The following FAM3C variants were observed in gnomAD, a reference collection of about 807,000 sequenced individuals.
The protein encoded by FAM3C is FAM3 metabolism regulating signaling molecule C, also known as protein FAM3C.
A neutral mutation model predicts 32.5 loss-of-function variants in FAM3C; 15 were observed. That is an observed-to-expected ratio of 0.46 (90% confidence interval 0.31 to 0.71). FAM3C has a LOEUF of 0.71. Among genes scored for constraint, FAM3C ranks in the 30% least tolerant of loss-of-function variants. The probability of loss-of-function intolerance (pLI) is 0.05; values close to 1 mark genes in which losing one functional copy is unlikely to be tolerated. For synonymous variants in FAM3C, 75 were observed against 86.1 expected (o/e 0.87, Z 0.72); for missense variants, 175 against 274.4 (o/e 0.64, Z 2.56).
intron 1 of FAM3C, among the ~76,000 whole-genome samples, chr7:121,388,979 G>A (rs746066101): frequency 6.6e-6 from 1 of 152,072 alleles, no homozygotes; most frequent in Non-Finnish European, 1.5e-5. Context: ...AAACACTTCG[G>A]AAAACTTCTA....
intron 1 of FAM3C, among the ~76,000 whole-genome samples, chr7:121,384,820 TAAG>T (rs1321631616): frequency 2.6e-5 from 4 of 152,188 alleles, no homozygotes; most frequent in Non-Finnish European, 4.4e-5. Context: ...TTAATTTCCT[TAAG>T]AAGCAAATTA....
chr7:121,381,110 C>T (rs1327362775), intron 2 of FAM3C, among the ~76,000 whole-genome samples: 1 of 152,090 alleles, frequency 6.6e-6, no homozygotes, highest in Non-Finnish European at 1.5e-5. Context: ...GACCAGCATC[C>T]CATTCTGGAC....
chr7:121,392,545 C>T (rs117251734), intron 1 of FAM3C, among the ~76,000 whole-genome samples: 1 of 152,222 alleles, frequency 6.6e-6, no homozygotes, highest in East Asian at 1.9e-4. Flanking sequence ...TGAGTGGGGA[C>T]GCAGAACCAA....
chr7:121,362,744 T>TA, intron 7 of FAM3C, 153 bp downstream of exon 7: 1 of 608,518 alleles, frequency 1.6e-6, no homozygotes, highest in Non-Finnish European at 2.9e-6. Flanking sequence ...AATGATAACT[T>TA]AAATACAGCT....
intron 8 of FAM3C, among the ~76,000 whole-genome samples, chr7:121,357,448 C>T (rs1222940804): frequency 6.6e-6 from 1 of 152,040 alleles, no homozygotes; most frequent in Non-Finnish European, 1.5e-5. Flanking sequence ...GGGTATATAA[C>T]ACAACTGGTA....
intron 1 of FAM3C, among the ~76,000 whole-genome samples, chr7:121,387,422 TTAGAAGTACTACTA>T (rs1485403228): frequency 6.6e-6 from 1 of 152,172 alleles, no homozygotes; most frequent in East Asian, 1.9e-4. Flanking sequence ...ACAGGTCCTC[TTAGAAGTACTACTA>T]CAGATGTAGG....
At chr7:121,369,531 C>T (rs1188317046) in intron 5 of FAM3C, among the ~76,000 whole-genome samples, 1 of 152,194 alleles carries the variant, frequency 6.6e-6, no homozygotes, top group African/African-American at 2.4e-5. Context: ...TGGCCTGCCT[C>T]ATTTAATGGT....
At chr7:121,355,773 C>T (rs556563979) in intron 8 of FAM3C, among the ~76,000 whole-genome samples, 1 of 152,210 alleles carries the variant, frequency 6.6e-6, no homozygotes, top group South Asian at 2.1e-4. Flanking sequence ...AGATGCATCC[C>T]TTGGAGGAAG....
At chr7:121,381,139 C>T (rs1794343418) in intron 2 of FAM3C, among the ~76,000 whole-genome samples, 1 of 152,114 alleles carries the variant, frequency 6.6e-6, no homozygotes, top group Non-Finnish European at 1.5e-5. Flanking sequence ...GCCTAACATA[C>T]CAACCACAAT....
intron 8 of FAM3C, among the ~76,000 whole-genome samples, chr7:121,355,353 G>A (rs1356584416): frequency 2.0e-5 from 3 of 152,138 alleles, no homozygotes; most frequent in Non-Finnish European, 4.4e-5. Flanking sequence ...TGGAAAATGG[G>A]AGATGCTAAG....
rs10676450 is a variant in FAM3C, at chr7:121,388,235, A to AACACACACACACAC, written c.-41-5239_-41-5226dup. On this transcript the variant is annotated intron_variant, in intron 1 of 9. Coordinates refer to ENST00000359943, the MANE Select transcript of FAM3C (RefSeq NM_014888.3). Reference sequence around the variant, plus strand: ...CTCTTTTAAAAGAAACCACCATTTTAACACACACACACACACACACACACA... The same window carrying AACACACACACACAC: ...CTCTTTTAAAAGAAACCACCATTTTAACACACACACACACACACACACACACACACACACACACA... 1.1e-3 allele frequency among the ~76,000 whole-genome samples: 169 copies of AACACACACACACAC among 147,920 alleles called. 1 individual carries two copies. Among genetic ancestry groups the AACACACACACACAC allele is most frequent in the Middle Eastern group, 6.8e-3 (2 of 292 alleles).
chr7:121,365,470 C>T (rs1175627618), intron 5 of FAM3C, among the ~76,000 whole-genome samples: 1 of 152,028 alleles, frequency 6.6e-6, no homozygotes, highest in Non-Finnish European at 1.5e-5. Context: ...TCCCTCACCT[C>T]AAGTCTAGAA....
chr7:121,350,836 C>A (rs78780413), intron 9 of FAM3C, among the ~76,000 whole-genome samples: 1 of 152,156 alleles, frequency 6.6e-6, no homozygotes, highest in East Asian at 1.9e-4. Context: ...CCAAACTTCA[C>A]TGATTCTAAA....
intron 3 of FAM3C, among the ~76,000 whole-genome samples, chr7:121,376,297 A>G (rs1034015857): frequency 6.6e-6 from 1 of 152,224 alleles, no homozygotes; most frequent in Non-Finnish European, 1.5e-5. Context: ...GAAAGGGAGG[A>G]TTCTGTTACT....
chr7:121,374,902 CTT>C, intron 3 of FAM3C, among the ~76,000 whole-genome samples: 1 of 152,284 alleles, frequency 6.6e-6, no homozygotes, highest in African/African-American at 2.4e-5. Context: ...ACTAATACAG[CTT>C]TATGTGAATC....
intron 6 of FAM3C, 115 bp downstream of exon 6, chr7:121,364,015 A>C: frequency 1.4e-6 from 1 of 714,876 alleles, no homozygotes; most frequent in Non-Finnish European, 2.5e-6. Flanking sequence ...GATGGGACAG[A>C]GGGCTTTATC....
intron 1 of FAM3C, among the ~76,000 whole-genome samples, chr7:121,386,007 A>C (rs1794457912): frequency 6.6e-6 from 1 of 152,194 alleles, no homozygotes; most frequent in African/African-American, 2.4e-5. Flanking sequence ...GTTCACTGAC[A>C]CACTCTAATA....
chr7:121,359,109 A>G (rs1793872658), intron 8 of FAM3C, among the ~76,000 whole-genome samples: 1 of 151,130 alleles, frequency 6.6e-6, no homozygotes, highest in African/African-American at 2.4e-5. Flanking sequence ...GGAACTTCTG[A>G]GAAAAATATA....
At chr7:121,394,129 A>G (rs2116981899) in intron 1 of FAM3C, among the ~76,000 whole-genome samples, 1 of 152,368 alleles carries the variant, frequency 6.6e-6, no homozygotes, top group African/African-American at 2.4e-5. Flanking sequence ...CATGATATCT[A>G]CAATTACTGG....
Sources: gnomAD v4.1 joint callset for allele counts (sites outside exome capture counted in the v4.1 genomes callset) on GRCh38, gnomAD v4.1.1 for gene constraint, MANE v1.5 for transcripts, NCBI Gene and HGNC (gene_info 2026-07-23, HGNC 2026-07-21) for gene names.